TAOK3: variants seen among roughly 807,000 people sequenced by gnomAD.
TAOK3 encodes the protein TAO kinase 3.
A neutral mutation model predicts 120.4 loss-of-function variants in TAOK3; 40 were observed. That is an observed-to-expected ratio of 0.33 (90% CI 0.26 to 0.43). TAOK3 has a LOEUF of 0.43. Among genes scored for constraint, TAOK3 ranks in the 20% least tolerant of loss-of-function variants. TAOK3 has a pLI of 1.00. For missense variants in TAOK3, 821 were observed against 1,112.1 expected, an observed-to-expected ratio of 0.74 and a Z score of 3.72; for synonymous variants, 355 against 387.5, an observed-to-expected ratio of 0.92 and a Z score of 0.99.
intron 3 of TAOK3, among the ~76,000 whole-genome samples, chr12:118,252,934 G>A (rs1593306400): frequency 6.6e-6 from 1 of 152,086 alleles, no homozygotes; most frequent in East Asian, 1.9e-4. Flanking sequence ...CTCCGTGTTA[G>A]CCAGGATAGT....
At chr12:118,346,105 A>T (rs17433259) in intron 1 of TAOK3, among the ~76,000 whole-genome samples, 2 of 152,176 alleles carry the variant, frequency 1.3e-5, no homozygotes, top group Non-Finnish European at 2.9e-5. Context: ...ATTTTGTTCT[A>T]ACTACTCACA....
At chr12:118,233,633 A>G in intron 9 of TAOK3, 41 bp downstream of exon 9, 2 of 1,440,772 alleles carry the variant, frequency 1.4e-6, no homozygotes, top group Non-Finnish European at 1.9e-6. Context: ...GCAAAATAGA[A>G]TTTTAAAAAA....
chr12:118,205,999 A>G (rs565973692), intron 11 of TAOK3, among the ~76,000 whole-genome samples: 2 of 151,582 alleles, frequency 1.3e-5, no homozygotes, highest in Admixed American at 1.3e-4. Context: ...CTTTGTGGTT[A>G]CAGATCACTA....
At chr12:118,166,871 C>T (rs990585345) in intron 17 of TAOK3, among the ~76,000 whole-genome samples, 3 of 149,604 alleles carry the variant, frequency 2.0e-5, no homozygotes, top group Admixed American at 1.3e-4. Flanking sequence ...CACACACACA[C>T]GTATAAGCCC....
intron 16 of TAOK3, 44 bp downstream of exon 16, chr12:118,177,157 C>A (rs1254472432): frequency 6.3e-7 from 1 of 1,598,074 alleles, no homozygotes; most frequent in Non-Finnish European, 8.5e-7. Flanking sequence ...AAGTTCCAAC[C>A]ATTCTAATGG....
chr12:118,169,612 G>C (rs2035869029), intron 17 of TAOK3, among the ~76,000 whole-genome samples: 1 of 150,692 alleles, frequency 6.6e-6, no homozygotes, highest in South Asian at 2.1e-4. Context: ...TGCCCGGCCT[G>C]AGTCAGCTTC....
intron 1 of TAOK3, among the ~76,000 whole-genome samples, chr12:118,354,543 C>T (rs1263975476): frequency 6.6e-6 from 1 of 152,108 alleles, no homozygotes; most frequent in Non-Finnish European, 1.5e-5. Context: ...GCCAGAGGAT[C>T]ACTTGAGGCC....
chr12:118,323,548 A>G (rs1216816604), intron 1 of TAOK3, among the ~76,000 whole-genome samples: 2 of 152,206 alleles, frequency 1.3e-5, no homozygotes, highest in Admixed American at 6.5e-5. Flanking sequence ...TAATTTTGCT[A>G]TAGAAAAATG....
rs768681324 is a variant in TAOK3, at chr12:118,150,976, T to TTA, written c.*20_*21insTA. On this transcript the variant is annotated 3_prime_UTR_variant, in exon 21 of 21. Transcript: ENST00000392533. Reference sequence around the variant, plus strand: ...GTTTTCTTTTTTTTTTTTTTTTTTGTAAATGGCAAAAAATTTAATCTCATC... The same window carrying TTA: ...GTTTTCTTTTTTTTTTTTTTTTTTGTTAAAATGGCAAAAAATTTAATCTCATC... 4 of 1,515,578 alleles carry TTA rather than the reference T, an allele frequency of 2.6e-6. No individual in the cohort carries two copies. Among genetic ancestry groups the TTA allele is most frequent in the Non-Finnish European group, 2.6e-6 (3 of 1,135,314 alleles). 93.9% of individuals were successfully genotyped at this position (1,515,578 alleles called of 1,614,324 possible).
At chr12:118,362,208 T>C (rs942864860) in intron 1 of TAOK3, among the ~76,000 whole-genome samples, 1 of 150,370 alleles carries the variant, frequency 6.7e-6, no homozygotes, top group African/African-American at 2.5e-5. Context: ...TCATAGACCC[T>C]AAAATTTAGG....
chr12:118,367,223 G>A (rs1010416263), intron 1 of TAOK3, among the ~76,000 whole-genome samples: 4 of 152,092 alleles, frequency 2.6e-5, no homozygotes, highest in African/African-American at 9.7e-5. Flanking sequence ...CAGGGAATTA[G>A]CCCTTTAACT....
intron 1 of TAOK3, among the ~76,000 whole-genome samples, chr12:118,369,396 C>T (rs1398329699): frequency 6.6e-6 from 1 of 152,148 alleles, no homozygotes; most frequent in Non-Finnish European, 1.5e-5. Flanking sequence ...CTCTCTTTAA[C>T]GTCTCTGGAT....
intron 1 of TAOK3, among the ~76,000 whole-genome samples, chr12:118,364,541 C>T (rs1009706645): frequency 6.6e-6 from 1 of 152,114 alleles, no homozygotes; most frequent in African/African-American, 2.4e-5. Flanking sequence ...AAGTCAGGAG[C>T]CAGCTATGAG....
chr12:118,291,860 G>A (rs974301621), intron 1 of TAOK3, among the ~76,000 whole-genome samples: 1 of 152,100 alleles, frequency 6.6e-6, no homozygotes, highest in African/African-American at 2.4e-5. Flanking sequence ...TGTTGCCCAG[G>A]TTGGAGTGCA....
At position 118,160,978 on chromosome 12, in the gene TAOK3, T is replaced by C. The variant is rs2035182839; in HGVS notation, c.2140-620A>G. On this transcript the variant is annotated intron_variant, in intron 18 of 20. Coordinates refer to ENST00000392533, the MANE Select transcript of TAOK3 (RefSeq NM_016281.4). The surrounding 1 kb of genome is among the most constrained non-coding windows in gnomAD (Gnocchi z 4.2). ...GAGGTTGTGCTTGCATGTAGCAATA[T>C]AAAATATGCATTTGGGCAAAGAGAA... 1.3e-5 allele frequency among the ~76,000 whole-genome samples: 2 copies of C among 152,250 alleles called. No individual in the cohort carries two copies. Among genetic ancestry groups the C allele is most frequent in the Admixed American group, 1.3e-4 (2 of 15,288 alleles).
chr12:118,347,826 T>A (rs1349884551), intron 1 of TAOK3, among the ~76,000 whole-genome samples: 1 of 152,222 alleles, frequency 6.6e-6, no homozygotes, highest in Admixed American at 6.5e-5. Flanking sequence ...CCATTGAGGC[T>A]GTCCTAGTTC....
At chr12:118,328,985 C>T (rs2044039984) in intron 1 of TAOK3, among the ~76,000 whole-genome samples, 1 of 152,092 alleles carries the variant, frequency 6.6e-6, no homozygotes, top group Non-Finnish European at 1.5e-5. Context: ...TCTCTGTCCT[C>T]AAAGAGATTG....
chr12:118,216,942 A>G (rs1039847056), intron 9 of TAOK3, among the ~76,000 whole-genome samples: 21 of 151,708 alleles, frequency 1.4e-4, no homozygotes, highest in African/African-American at 4.4e-4. Flanking sequence ...AAAAAAAAAA[A>G]AAAAAGAAAA....
At chr12:118,348,277 C>G (rs1419656085) in intron 1 of TAOK3, among the ~76,000 whole-genome samples, 1 of 152,186 alleles carries the variant, frequency 6.6e-6, no homozygotes, top group Non-Finnish European at 1.5e-5. Context: ...GGACATGGAC[C>G]TTTCTTAATT....
Sources: allele counts gnomAD v4.1 joint callset (sites outside exome capture counted in the v4.1 genomes callset), GRCh38; gene constraint gnomAD v4.1.1; non-coding constraint Gnocchi (gnomAD v3.1); transcripts MANE v1.5; gene names NCBI Gene and HGNC (gene_info 2026-07-23, HGNC 2026-07-21).